NPEPL1: variants seen among roughly 807,000 people sequenced by gnomAD.
NPEPL1 encodes the protein aminopeptidase like 1.
In NPEPL1, 45 loss-of-function variants were observed where a neutral mutation model predicts 52.4. The ratio of observed to expected loss-of-function variants is 0.86; its 90% confidence interval spans 0.68 to 1.10. The LOEUF (loss-of-function observed/expected upper bound fraction) is 1.10, where lower values mean the gene tolerates loss of function less well. Ranked by LOEUF, NPEPL1 falls within the 50% of genes least tolerant of loss-of-function variation. The probability of loss-of-function intolerance (pLI) is 0.00; values close to 1 mark genes in which losing one functional copy is unlikely to be tolerated. For synonymous variants in NPEPL1, 360 were observed against 314.7 expected (o/e 1.14, Z -1.52); for missense variants, 696 against 710.9 (o/e 0.98, Z 0.24).
Position 58,715,249 on chromosome 20 carries a change from G to A in NPEPL1, c.1495G>A (p.Val499Met). 2 of 1,610,698 alleles carry A rather than the reference G, an allele frequency of 1.2e-6. No homozygotes were observed. Among genetic ancestry groups the A allele is most frequent in the Non-Finnish European group, 1.7e-6 (2 of 1,179,306 alleles). Residue 499 changes from valine to methionine, a missense_variant, in exon 12 of 12, where the codon GTG (valine) becomes ATG (methionine). Coordinates refer to ENST00000356091, the MANE Select transcript of NPEPL1 (RefSeq NM_024663.4). The part of the protein sequence containing the change: ...RASEDPLLNL[V>M]SPLGCEVDVE... The stretch of plus-strand genomic sequence containing the variant: ...CTCTGAGGACCCTCTGCTGAACCTG[G>A]TGTCCCCACTGGGCTGTGAGGTGGA...
intron 6 of NPEPL1, among the ~76,000 whole-genome samples, chr20:58,704,565 A>G (rs2084701438): frequency 1.3e-5 from 2 of 152,264 alleles, no homozygotes; most frequent in Admixed American, 6.5e-5. Context: ...CCAAAATGAA[A>G]AAATAATTTA....
upstream of NPEPL1, chr20:58,692,711 C>A: frequency 1.6e-6 from 1 of 614,712 alleles, no homozygotes; most frequent in Non-Finnish European, 2.0e-6. The surrounding 1 kb of genome is among the most constrained non-coding windows in gnomAD (Gnocchi z 5.7). Flanking sequence ...CCCGGCCTGG[C>A]CGGCGCCCCC....
At chr20:58,691,231 A>G, upstream of NPEPL1, 2 of 697,618 alleles carry the variant, frequency 2.9e-6, no homozygotes, top group East Asian at 5.4e-5. Context: ...ACACACTGTT[A>G]GTACCCTTTA....
chr20:58,708,791 C>T (rs1022150299), intron 7 of NPEPL1, among the ~76,000 whole-genome samples: 8 of 152,108 alleles, frequency 5.3e-5, no homozygotes, highest in Non-Finnish European at 7.4e-5. Context: ...CTGAGGCGGA[C>T]GGGCCCAGCT....
rs755714373 is a variant in NPEPL1, at chr20:58,693,778, G to T, written c.192G>T (p.Thr64=). The stretch of plus-strand genomic sequence containing the variant: ...TGAGCACGCTCAACCCCAACCCCAC[G>T]GACAGCTGTCCCCTCTACCTGAACT... ...AALSTLNPNP[T]DSCPLYLNYA... The change falls in exon 2 of 12, where the codon ACG becomes ACT. Residue 64 remains threonine (T), a synonymous_variant. Transcript: ENST00000356091. 2.7e-5 allele frequency: 43 copies of T among 1,613,130 alleles called. No homozygotes were observed. The highest frequency in any genetic ancestry group is 3.6e-5 in the Non-Finnish European group (42 of 1,179,342).
rs914028598 is a variant in NPEPL1, at chr20:58,715,600, CG to C, written c.*278del. 1 of 295,694 alleles carries C rather than the reference CG, an allele frequency of 3.4e-6. No individual in the cohort carries two copies. Among genetic ancestry groups the C allele is most frequent in the Admixed American group, 5.5e-5 (1 of 18,038 alleles). 18.3% of individuals were successfully genotyped at this position (295,694 alleles called of 1,614,324 possible). ...GCTACCCCTGGGGCCTTCTGCACCC[CG>C]GGGTGAGGCCTCCTGCCTGCCTGGT... On this transcript the variant is annotated 3_prime_UTR_variant, in exon 12 of 12. Coordinates refer to ENST00000356091, the MANE Select transcript of NPEPL1 (RefSeq NM_024663.4).
chr20:58,689,636 G>C (rs1247368511), upstream of NPEPL1, among the ~76,000 whole-genome samples: 2 of 152,094 alleles, frequency 1.3e-5, no homozygotes, highest in Admixed American at 1.3e-4. Context: ...CAATTCCTTG[G>C]TCAGGGATCA....
intron 3 of NPEPL1, among the ~76,000 whole-genome samples, chr20:58,695,024 T>A (rs62203765): frequency 5.1e-4 from 1 of 1,974 alleles, no homozygotes; most frequent in Admixed American, 5.6e-3. Flanking sequence ...TGTGTGTGTG[T>A]GTGTGGTATG....
At chr20:58,712,610 C>T (rs2084873702) in intron 8 of NPEPL1, 31 bp downstream of exon 8, 2 of 1,497,850 alleles carry the variant, frequency 1.3e-6, no homozygotes, top group South Asian at 1.1e-5. Flanking sequence ...CCTTCCTGCC[C>T]ACTGTTGGAA....
chr20:58,694,000 C>G (rs2084408778), intron 2 of NPEPL1, 78 bp downstream of exon 2: 2 of 1,352,752 alleles, frequency 1.5e-6, no homozygotes. Flanking sequence ...GCTCACAGCC[C>G]TGCTCAGACT....
rs2084747502 is a variant in NPEPL1, at chr20:58,707,021, A to AAGGTGGGGCTAGCGTGGGGCC, written c.823-101_823-81dup. 4.3e-6 allele frequency: 5 copies of AAGGTGGGGCTAGCGTGGGGCC among 1,164,534 alleles called. No individual in the cohort carries two copies. The East Asian group carries it at 8.1e-5, about 19-fold the overall frequency. The allele number at this position is 1,164,534 out of a possible 1,614,324, so 72.1% of individuals were successfully genotyped here. ...GGCTGCCCAGGCCTGAGAGCTGGGGAAGGTGGGGCTAGCGTGGGGCCGGGT... is the reference window on the plus strand; with the variant it reads ...GGCTGCCCAGGCCTGAGAGCTGGGGAAGGTGGGGCTAGCGTGGGGCCAGGTGGGGCTAGCGTGGGGCCGGGT... On this transcript the variant is annotated intron_variant, in intron 6 of 11. Transcript: ENST00000356091.
upstream of NPEPL1, chr20:58,692,177 A>G: frequency 2.8e-6 from 1 of 355,832 alleles, no homozygotes; most frequent in South Asian, 4.2e-5. This position sits in a 1 kb window ranked among gnomAD's most constrained non-coding sequence, Gnocchi z 5.7. Flanking sequence ...CCATCCCAGC[A>G]GCAGTGCCCT....
At chr20:58,699,099 C>A in intron 4 of NPEPL1, 98 bp from the exon 5 acceptor site, 1 of 1,177,212 alleles carries the variant, frequency 8.5e-7, no homozygotes, top group Non-Finnish European at 1.2e-6. Context: ...CGACGCGGCA[C>A]AGGCAGCGGT....
At chr20:58,696,714 T>A (rs996315223) in intron 3 of NPEPL1, among the ~76,000 whole-genome samples, 4 of 152,240 alleles carry the variant, frequency 2.6e-5, no homozygotes, top group South Asian at 2.1e-4. Flanking sequence ...CAAAGGCACA[T>A]CTGGGTGTGT....
At chr20:58,708,284 C>T (rs1381293231) in intron 7 of NPEPL1, among the ~76,000 whole-genome samples, 4 of 152,260 alleles carry the variant, frequency 2.6e-5, no homozygotes, top group African/African-American at 9.6e-5. Flanking sequence ...GAGGAAGGAG[C>T]TCCTTCTGCC....
At chr20:58,714,236 CGTCAGGGCACAGGA>C in intron 10 of NPEPL1, 143 bp downstream of exon 10, 2 of 874,408 alleles carry the variant, frequency 2.3e-6, no homozygotes, top group Non-Finnish European at 3.3e-6. Context: ...GAGAGGCAGG[CGTCAGGGCACAGGA>C]GTCATCCCAG....
At chr20:58,712,293 G>A (rs919863198) in intron 7 of NPEPL1, among the ~76,000 whole-genome samples, 186 bp from the exon 8 acceptor site, 1 of 152,184 alleles carries the variant, frequency 6.6e-6, no homozygotes, top group Non-Finnish European at 1.5e-5. Flanking sequence ...CCCCAGTGGT[G>A]AGCCTTGGCC....
At chr20:58,693,360 TG>T (rs1370883837) in intron 1 of NPEPL1, 1 of 175,170 alleles carries the variant, frequency 5.7e-6, no homozygotes, top group African/African-American at 2.4e-5. Flanking sequence ...CGGCCCCGCC[TG>T]GCGACAGGCC....
intron 5 of NPEPL1, 73 bp from the exon 6 acceptor site, chr20:58,700,943 T>G: frequency 4.5e-6 from 6 of 1,343,512 alleles, no homozygotes; most frequent in Non-Finnish European, 5.8e-6. Flanking sequence ...CGGCCAGAGT[T>G]TCCAGGGGCC....
Sources: gnomAD v4.1 joint callset for allele counts (sites outside exome capture counted in the v4.1 genomes callset) on GRCh38, gnomAD v4.1.1 for gene constraint, Gnocchi (gnomAD v3.1) non-coding constraint, MANE v1.5 for transcripts, NCBI Gene and HGNC (gene_info 2026-07-23, HGNC 2026-07-21) for gene names.